The following CWC27 variants were observed in gnomAD, a reference collection of about 807,000 sequenced individuals.
CWC27 encodes the protein CWC27 spliceosome associated cyclophilin, also known as spliceosome-associated protein CWC27 homolog.
In CWC27, 47 loss-of-function variants were observed where a neutral mutation model predicts 63.6. That is an observed-to-expected ratio of 0.74 (90% CI 0.58 to 0.94). The LOEUF (loss-of-function observed/expected upper bound fraction) is 0.94, where lower values mean the gene tolerates loss of function less well. Among genes scored for constraint, CWC27 ranks in the 40% least tolerant of loss-of-function variants. CWC27 has a pLI of 0.00. For missense variants in CWC27, 495 were observed against 554.3 expected (o/e 0.89, Z 1.07); for synonymous variants, 175 against 179.8 (o/e 0.97, Z 0.22).
intron 13 of CWC27, among the ~76,000 whole-genome samples, chr5:64,992,057 A>G (rs1749546542): frequency 6.6e-6 from 1 of 152,188 alleles, no homozygotes; most frequent in African/African-American, 2.4e-5. Flanking sequence ...TAGGAGATGA[A>G]GGTGACTCTA....
At chr5:64,913,410 A>G (rs1230666640) in intron 11 of CWC27, among the ~76,000 whole-genome samples, 1 of 152,106 alleles carries the variant, frequency 6.6e-6, no homozygotes, top group Non-Finnish European at 1.5e-5. Flanking sequence ...GAAACAAAAG[A>G]TTTGAAAAGG....
intron 11 of CWC27, among the ~76,000 whole-genome samples, chr5:64,950,659 T>C (rs1748686666): frequency 6.6e-6 from 1 of 151,980 alleles, no homozygotes; most frequent in Admixed American, 6.6e-5. Context: ...ACAATAAAGT[T>C]CACCAATTTT....
chr5:64,961,686 G>A (rs911963021), intron 11 of CWC27, among the ~76,000 whole-genome samples: 1 of 152,086 alleles, frequency 6.6e-6, no homozygotes, highest in Non-Finnish European at 1.5e-5. Flanking sequence ...GTGTAATTAT[G>A]AATTGAAGTT....
chr5:64,945,402 A>G (rs1561166244), intron 11 of CWC27, among the ~76,000 whole-genome samples: 1 of 152,208 alleles, frequency 6.6e-6, no homozygotes, highest in Non-Finnish European at 1.5e-5. Context: ...AACCAATGAA[A>G]GATGAACTCT....
chr5:64,825,521 T>C (rs567914892), intron 10 of CWC27, among the ~76,000 whole-genome samples: 10 of 152,192 alleles, frequency 6.6e-5, no homozygotes, highest in Non-Finnish European at 1.5e-4. Context: ...CCAACTTCCT[T>C]TTTTCTACTT....
intron 5 of CWC27, 88 bp from the exon 6 acceptor site, chr5:64,786,436 C>T: frequency 1.4e-6 from 1 of 697,774 alleles, no homozygotes; most frequent in Non-Finnish European, 2.3e-6. Context: ...AAAATATAGA[C>T]ACTATACCAC....
chr5:64,808,922 A>G (rs1313904104), intron 10 of CWC27, among the ~76,000 whole-genome samples: 2 of 152,138 alleles, frequency 1.3e-5, no homozygotes, highest in Non-Finnish European at 2.9e-5. Flanking sequence ...TAACTTTTAA[A>G]CTTTTAATTT....
intron 11 of CWC27, among the ~76,000 whole-genome samples, chr5:64,888,541 C>T (rs1457124049): frequency 6.9e-6 from 1 of 145,834 alleles, no homozygotes; most frequent in Non-Finnish European, 1.5e-5. Flanking sequence ...ACATACATGT[C>T]AACATATTAT....
intron 11 of CWC27, among the ~76,000 whole-genome samples, chr5:64,938,711 G>A (rs1052363259): frequency 1.3e-5 from 2 of 152,088 alleles, no homozygotes; most frequent in African/African-American, 4.8e-5. Flanking sequence ...TTCCAGCTTG[G>A]TTCCATTCTC....
At chr5:64,989,708 GT>G (rs1274932564) in intron 13 of CWC27, among the ~76,000 whole-genome samples, 1 of 152,166 alleles carries the variant, frequency 6.6e-6, no homozygotes, top group African/African-American at 2.4e-5. Context: ...TGTGGGTGCT[GT>G]TTGGTTGGAG....
chr5:64,771,556 ACTTATTCTAAATTGTGTCTGG>A (rs1483462414), intron 1 of CWC27, among the ~76,000 whole-genome samples: 1 of 152,228 alleles, frequency 6.6e-6, no homozygotes, highest in Non-Finnish European at 1.5e-5. Context: ...TATTATGATC[ACTTATTCTAAATTGTGTCTGG>A]CTTCTTCACT....
At position 64,938,021 on chromosome 5, in the gene CWC27, T is replaced by A. The variant is rs1463797668; in HGVS notation, c.1043-33682T>A. ...GTCTTTGCACATGAGATGGGTCTCC[T>A]GAATACAGCACACCAATGGGTCTTG... On this transcript the variant is annotated intron_variant, in intron 11 of 13. Transcript: ENST00000381070. 2.6e-5 allele frequency among the ~76,000 whole-genome samples: 4 copies of A among 151,352 alleles called. No homozygotes were observed. In the East Asian group the frequency reaches 5.9e-4, roughly 22 times the overall value.
intron 2 of CWC27, among the ~76,000 whole-genome samples, chr5:64,778,013 A>AT (rs1263147588): frequency 1.3e-5 from 2 of 152,198 alleles, no homozygotes; most frequent in Non-Finnish European, 2.9e-5. Context: ...ATCATAAAGA[A>AT]AATCTTAAAA....
chr5:64,783,360 G>C (rs555782496), intron 3 of CWC27, among the ~76,000 whole-genome samples: 3 of 151,856 alleles, frequency 2.0e-5, no homozygotes, highest in Non-Finnish European at 4.4e-5. Context: ...AAAAAGACAT[G>C]GTAAAATTAC....
chr5:64,954,721 GCCACAAGCCACAAA>G (rs1472389206), intron 11 of CWC27, among the ~76,000 whole-genome samples: 1 of 138,004 alleles, frequency 7.2e-6, no homozygotes, highest in African/African-American at 3.1e-5. Flanking sequence ...TAAATATATA[GCCACAAGCCACAAA>G]CCACAAGCCA....
intron 2 of CWC27, among the ~76,000 whole-genome samples, chr5:64,777,991 A>G (rs1319105839): frequency 6.6e-6 from 1 of 152,180 alleles, no homozygotes; most frequent in Non-Finnish European, 1.5e-5. Context: ...CAACAGGAAT[A>G]TAACTAGGAA....
intron 1 of CWC27, among the ~76,000 whole-genome samples, chr5:64,769,462 C>G (rs187497605): frequency 9.2e-5 from 14 of 152,262 alleles, no homozygotes; most frequent in African/African-American, 3.4e-4. Context: ...TTTCTGGGGT[C>G]TTAGGTTTTT....
intron 13 of CWC27, among the ~76,000 whole-genome samples, chr5:64,986,018 T>C (rs1189609210): frequency 6.6e-6 from 1 of 152,130 alleles, no homozygotes; most frequent in Non-Finnish European, 1.5e-5. Flanking sequence ...GTTCTCATGA[T>C]AATGAGTGAG....
At chr5:64,946,231 CTT>C (rs1748590031) in intron 11 of CWC27, among the ~76,000 whole-genome samples, 1 of 152,134 alleles carries the variant, frequency 6.6e-6, no homozygotes, top group African/African-American at 2.4e-5. Flanking sequence ...TTTGTAAACT[CTT>C]TTACCTAGAA....
Sources: allele counts gnomAD v4.1 joint callset (sites outside exome capture counted in the v4.1 genomes callset), GRCh38; gene constraint gnomAD v4.1.1; transcripts MANE v1.5; gene names NCBI Gene and HGNC (gene_info 2026-07-23, HGNC 2026-07-21).